Variants in DCAF6 observed in about 807,000 individuals in gnomAD.
DCAF6 encodes the protein DDB1 and CUL4 associated factor 6.
Under a neutral mutation model 125.1 loss-of-function variants are expected in DCAF6, and 54 were observed. That is an observed-to-expected ratio of 0.43 (90% CI 0.35 to 0.54). DCAF6 has a LOEUF of 0.54. Among genes scored for constraint, DCAF6 ranks in the 20% least tolerant of loss-of-function variants. The pLI is 0.01. For synonymous variants in DCAF6, 371 were observed against 390.4 expected, an observed-to-expected ratio of 0.95 and a Z score of 0.58; for missense variants, 934 against 1,161.7, an observed-to-expected ratio of 0.80 and a Z score of 2.85.
chr1:168,067,683 G>A (rs1692505697), intron 20 of DCAF6, among the ~76,000 whole-genome samples: 1 of 152,164 alleles, frequency 6.6e-6, no homozygotes, highest in South Asian at 2.1e-4. Context: ...TGATGAGTTG[G>A]GAATTTATTA....
At position 168,055,339 on chromosome 1, in the gene DCAF6, T is replaced by TG. The variant is rs1161710864; in HGVS notation, c.2300+4406_2300+4407insG. On this transcript the variant is annotated intron_variant, in intron 17 of 21. Coordinates refer to ENST00000367840, the MANE Select transcript of DCAF6 (RefSeq NM_001198956.2). ...AAAAAAATCAGGCTTAAGTTTTTTT[T>TG]TTTTTTTTTTTTTTTTTTTTTAACG... 9.1e-4 allele frequency among the ~76,000 whole-genome samples: 10 copies of TG among 11,020 alleles called. 4 individuals carry two copies. Among genetic ancestry groups the TG allele is most frequent in the African/African-American group, 3.4e-3 (8 of 2,358 alleles). 7.2% of individuals were successfully genotyped at this position (11,020 alleles called of 152,430 possible).
chr1:168,060,264 G>T (rs1691421837), intron 17 of DCAF6, among the ~76,000 whole-genome samples: 1 of 152,126 alleles, frequency 6.6e-6, no homozygotes, highest in South Asian at 2.1e-4. Context: ...ACTGCATCCT[G>T]TAACTACTGG....
chr1:168,013,542 A>G (rs1463764271), intron 10 of DCAF6, among the ~76,000 whole-genome samples: 1 of 152,132 alleles, frequency 6.6e-6, no homozygotes, highest in Non-Finnish European at 1.5e-5. Flanking sequence ...ATTATAATTA[A>G]TGAGGTTTTT....
chr1:168,031,981 G>C (rs1212647643), intron 12 of DCAF6, among the ~76,000 whole-genome samples: 1 of 151,650 alleles, frequency 6.6e-6, no homozygotes, highest in African/African-American at 2.4e-5. Context: ...TAGGAATGTG[G>C]AACCAAGCAC....
In DCAF6 at chr1:168,038,415, C is replaced by G. The variant is rs541276751; in HGVS notation, c.1654C>G (p.Pro552Ala). The change falls in exon 13 of 22, where the codon CCA becomes GCA. Residue 552 changes from proline to alanine, a missense_variant. Physicochemically the swap from Pro to Ala is conservative, Grantham distance 27 (BLOSUM62 -1). Coordinates refer to ENST00000367840, the MANE Select transcript of DCAF6 (RefSeq NM_001198956.2). ...GAGCCCCAAACCAGGGACAGGTGAA[C>G]CAGTTTTAAGTTTGCACTACAGCAC... is the stretch of plus-strand genomic sequence containing the variant. ...KLSPKPGTGE[P>A]VLSLHYSTEG... 1.2e-6 allele frequency: 2 copies of G among 1,612,100 alleles called. No homozygotes were observed. Among genetic ancestry groups the G allele is most frequent in the South Asian group, 1.1e-5 (1 of 90,714 alleles).
intron 12 of DCAF6, among the ~76,000 whole-genome samples, chr1:168,025,142 T>C (rs1196052038): frequency 1.3e-5 from 2 of 152,168 alleles, no homozygotes; most frequent in Non-Finnish European, 2.9e-5. Flanking sequence ...TATCAGAGAT[T>C]TTATAGCCAG....
In DCAF6 at chr1:167,976,896, T is replaced by G. The variant is rs932618806; in HGVS notation, c.438+1881T>G. On this transcript the variant is annotated intron_variant, in intron 4 of 21. Transcript: ENST00000367840. ...GTACATCCTTTAGCAGTTTTTTTTT[T>G]TTTTTTTTTTTTTTTTTTTTTTTTG... Among the ~76,000 whole-genome samples, 29 of 114,110 alleles carry G rather than the reference T, an allele frequency of 2.5e-4. No individual in the cohort carries two copies. In the South Asian group the frequency reaches 7.7e-3, roughly 30 times the overall value. 74.9% of individuals were successfully genotyped at this position (114,110 alleles called of 152,430 possible).
intron 4 of DCAF6, among the ~76,000 whole-genome samples, chr1:167,977,779 A>G (rs1678478617): frequency 6.6e-6 from 1 of 152,188 alleles, no homozygotes; most frequent in African/African-American, 2.4e-5. Flanking sequence ...TAAAAATTTT[A>G]AAATTGAAAT....
chr1:168,075,330 A>T, intron 21 of DCAF6, 41 bp from the exon 22 acceptor site: 1 of 1,540,944 alleles, frequency 6.5e-7, no homozygotes, highest in Middle Eastern at 1.8e-4. Context: ...TGTAATTACT[A>T]AAAGTATTTC....
chr1:167,941,574 T>C (rs1381692756), intron 1 of DCAF6, among the ~76,000 whole-genome samples: 1 of 152,198 alleles, frequency 6.6e-6, no homozygotes, highest in Non-Finnish European at 1.5e-5. Context: ...TTCTGTTTTT[T>C]TTCATATTGT....
intron 21 of DCAF6, among the ~76,000 whole-genome samples, chr1:168,073,652 G>T (rs1429058383): frequency 2.0e-5 from 3 of 151,974 alleles, no homozygotes; most frequent in Non-Finnish European, 2.9e-5. Context: ...AGAAATTTGA[G>T]TAAGAAGCCT....
chr1:167,875,124 T>C, the DCAF6 span: 1 of 1,613,352 alleles, frequency 6.2e-7, no homozygotes, highest in East Asian at 2.2e-5. Flanking sequence ...CAAGGCCTAC[T>C]ACCTACCCAG....
At chr1:167,997,236 G>T (rs753413764) in intron 7 of DCAF6, among the ~76,000 whole-genome samples, 2 of 152,136 alleles carry the variant, frequency 1.3e-5, no homozygotes, top group Non-Finnish European at 2.9e-5. Flanking sequence ...AATTGCTGAG[G>T]TTGTAAAACC....
chr1:167,912,868 G>C, the DCAF6 span, among the ~76,000 whole-genome samples: 20 of 152,182 alleles, frequency 1.3e-4, no homozygotes, highest in African/African-American at 2.4e-5. Context: ...GATTTCTATA[G>C]ATATGAAAAC....
chr1:167,909,274 C>T, the DCAF6 span, among the ~76,000 whole-genome samples: 1 of 152,150 alleles, frequency 6.6e-6, no homozygotes, highest in African/African-American at 2.4e-5. Flanking sequence ...AAACATTTAT[C>T]CACTATACTA....
the DCAF6 span, chr1:167,918,494 C>A: frequency 6.0e-6 from 3 of 502,504 alleles, no homozygotes; most frequent in East Asian, 6.5e-5. Flanking sequence ...AGAATCTTCC[C>A]GGAGGGCTTA....
At chr1:167,945,799 CTT>C (rs780562598) in intron 1 of DCAF6, among the ~76,000 whole-genome samples, 1 of 139,412 alleles carries the variant, frequency 7.2e-6, no homozygotes. Flanking sequence ...CACACCCGGC[CTT>C]TTTTTTTTTG....
At chr1:168,018,195 G>T (rs1191744000) in intron 11 of DCAF6, among the ~76,000 whole-genome samples, 1 of 152,124 alleles carries the variant, frequency 6.6e-6, no homozygotes, top group Non-Finnish European at 1.5e-5. Context: ...ATGGGAAGGG[G>T]CCTGATGCTG....
At chr1:167,992,653 G>A (rs1681022518) in intron 6 of DCAF6, among the ~76,000 whole-genome samples, 1 of 152,134 alleles carries the variant, frequency 6.6e-6, no homozygotes, top group Non-Finnish European at 1.5e-5. Context: ...TAGCATTCCT[G>A]GGCCCCCAGG....
Sources: allele counts gnomAD v4.1 joint callset (sites outside exome capture counted in the v4.1 genomes callset), GRCh38; gene constraint gnomAD v4.1.1; transcripts MANE v1.5; gene names NCBI Gene and HGNC (gene_info 2026-07-23, HGNC 2026-07-21).